The following FAM107B variants were observed in gnomAD, a reference collection of about 807,000 sequenced individuals.
FAM107B encodes the protein protein FAM107B.
A neutral mutation model predicts 31.5 loss-of-function variants in FAM107B; 21 were observed. That is an observed-to-expected ratio of 0.67 (90% CI 0.47 to 0.96). The LOEUF is 0.96. FAM107B is among the 40% of genes least tolerant of loss of function. The pLI is 0.00. For missense variants in FAM107B, 452 were observed against 377.1 expected, an observed-to-expected ratio of 1.20 and a Z score of -1.64; for synonymous variants, 157 against 141.5, an observed-to-expected ratio of 1.11 and a Z score of -0.78.
intron 2 of FAM107B, among the ~76,000 whole-genome samples, chr10:14,563,497 T>A (rs1396621430): frequency 6.6e-6 from 1 of 152,242 alleles, no homozygotes; most frequent in Non-Finnish European, 1.5e-5. Context: ...CTGCAAAATC[T>A]GCCATTACAT....
At chr10:14,725,645 G>A (rs1000715751) in intron 1 of FAM107B, among the ~76,000 whole-genome samples, 1 of 151,804 alleles carries the variant, frequency 6.6e-6, no homozygotes, top group Non-Finnish European at 1.5e-5. Flanking sequence ...GAGAGAGAAA[G>A]CTCTCTAGTA....
intron 2 of FAM107B, among the ~76,000 whole-genome samples, chr10:14,638,174 T>A (rs889875803): frequency 6.6e-6 from 1 of 152,214 alleles, no homozygotes; most frequent in Admixed American, 6.5e-5. Context: ...AAATTATTAC[T>A]CTGGTTTTCA....
chr10:14,556,458 G>A, intron 2 of FAM107B: 2 of 970,564 alleles, frequency 2.1e-6, no homozygotes, highest in Non-Finnish European at 2.4e-6. Context: ...AGCAGCCCAG[G>A]CCACAATATT....
At chr10:14,648,282 C>A (rs1409677891) in intron 2 of FAM107B, among the ~76,000 whole-genome samples, 1 of 152,102 alleles carries the variant, frequency 6.6e-6, no homozygotes, top group African/African-American at 2.4e-5. Flanking sequence ...TCGAACTGAC[C>A]AGCCCTAATT....
At chr10:14,542,914 T>G (rs1274983228) in intron 2 of FAM107B, among the ~76,000 whole-genome samples, 3 of 152,244 alleles carry the variant, frequency 2.0e-5, no homozygotes, top group Non-Finnish European at 4.4e-5. Flanking sequence ...TGCATAAATA[T>G]TCCCATGAAA....
At chr10:14,576,620 T>C (rs748350896) in intron 2 of FAM107B, among the ~76,000 whole-genome samples, 1 of 152,220 alleles carries the variant, frequency 6.6e-6, no homozygotes, top group African/African-American at 2.4e-5. Flanking sequence ...TTCTGTACTA[T>C]GTGATATTAG....
chr10:14,549,763 G>T (rs1028724960), intron 2 of FAM107B, among the ~76,000 whole-genome samples: 1 of 152,092 alleles, frequency 6.6e-6, no homozygotes, highest in Non-Finnish European at 1.5e-5. Flanking sequence ...CCCAAACCCA[G>T]AAACTCGAAG....
chr10:14,638,271 C>A (rs545124420), intron 2 of FAM107B, among the ~76,000 whole-genome samples: 1 of 151,256 alleles, frequency 6.6e-6, no homozygotes, highest in South Asian at 2.1e-4. Context: ...ACGTTGTGTA[C>A]AGCCTGCTAA....
intron 2 of FAM107B, among the ~76,000 whole-genome samples, chr10:14,635,463 CT>C (rs1163590664): frequency 1.3e-5 from 2 of 152,168 alleles, no homozygotes; most frequent in African/African-American, 4.8e-5. Flanking sequence ...GCCAGTGATC[CT>C]CCAGCGTGTG....
At chr10:14,714,227 T>C (rs532505122) in intron 1 of FAM107B, among the ~76,000 whole-genome samples, 14 of 152,344 alleles carry the variant, frequency 9.2e-5, no homozygotes, top group African/African-American at 3.4e-4. Context: ...AAGGTTCTTA[T>C]ACAGCCTCAT....
chr10:14,633,349 T>C (rs569177829), intron 2 of FAM107B, among the ~76,000 whole-genome samples: 3 of 152,282 alleles, frequency 2.0e-5, no homozygotes, highest in East Asian at 3.9e-4. Flanking sequence ...GCAATACATA[T>C]ACACATAGAC....
At chr10:14,718,030 A>T (rs1855820241) in intron 1 of FAM107B, among the ~76,000 whole-genome samples, 1 of 152,178 alleles carries the variant, frequency 6.6e-6, no homozygotes, top group African/African-American at 2.4e-5. Flanking sequence ...CCAGGAGAAG[A>T]AATATATTGA....
At chr10:14,589,470 A>G (rs919295680) in intron 2 of FAM107B, among the ~76,000 whole-genome samples, 14 of 152,200 alleles carry the variant, frequency 9.2e-5, no homozygotes, top group Non-Finnish European at 4.4e-5. Context: ...TTAAAAATAT[A>G]GATTTTAAGA....
chr10:14,546,039 T>C (rs1325297808), intron 2 of FAM107B, among the ~76,000 whole-genome samples: 1 of 152,248 alleles, frequency 6.6e-6, no homozygotes, highest in Non-Finnish European at 1.5e-5. Flanking sequence ...AATTCCGTAA[T>C]ATTTATGACC....
At chr10:14,714,219 G>A (rs1374726848) in intron 1 of FAM107B, among the ~76,000 whole-genome samples, 1 of 152,180 alleles carries the variant, frequency 6.6e-6, no homozygotes. Context: ...TCTAGGAGAA[G>A]GTTCTTATAC....
chr10:14,773,691 A>C (rs985663185), intron 1 of FAM107B, among the ~76,000 whole-genome samples: 11 of 152,200 alleles, frequency 7.2e-5, no homozygotes, highest in Non-Finnish European at 1.0e-4. Context: ...TTCAACTCTC[A>C]GAAGATTATC....
At chr10:14,748,664 C>T (rs1832771770) in intron 1 of FAM107B, among the ~76,000 whole-genome samples, 1 of 152,346 alleles carries the variant, frequency 6.6e-6, no homozygotes, top group South Asian at 2.1e-4. Flanking sequence ...CAGGCTGCAG[C>T]CTCTGAGGTC....
intron 2 of FAM107B, among the ~76,000 whole-genome samples, chr10:14,638,448 A>C (rs529548842): frequency 1.5e-4 from 23 of 152,270 alleles, no homozygotes; most frequent in African/African-American, 5.1e-4. Flanking sequence ...CCTACTCCCA[A>C]TGTTGGCATG....
intron 2 of FAM107B, among the ~76,000 whole-genome samples, chr10:14,649,663 C>T (rs1017220691): frequency 1.3e-5 from 2 of 152,196 alleles, no homozygotes; most frequent in Non-Finnish European, 2.9e-5. Flanking sequence ...CCCACCTTTT[C>T]CAGACTGAAC....
Sources: gnomAD v4.1 joint callset for allele counts (sites outside exome capture counted in the v4.1 genomes callset) on GRCh38, gnomAD v4.1.1 for gene constraint, MANE v1.5 for transcripts, NCBI Gene and HGNC (gene_info 2026-07-23, HGNC 2026-07-21) for gene names.